WWOX: variants seen among roughly 807,000 people sequenced by gnomAD.
WWOX encodes the protein WW domain-containing oxidoreductase.
A neutral mutation model predicts 46.2 loss-of-function variants in WWOX; 69 were observed. The observed-to-expected ratio is 1.49, with a 90% CI of 1.23 to 1.82. The LOEUF (loss-of-function observed/expected upper bound fraction) is 1.82. Ranked by LOEUF, WWOX falls within the 40% of genes most tolerant of loss-of-function variation. WWOX has a pLI of 0.00. For missense variants in WWOX, 919 were observed against 542.6 expected (o/e 1.69, Z -6.89); for synonymous variants, 359 against 202.6 (o/e 1.77, Z -6.56).
chr16:78,783,852 A>G (rs2050389644), intron 8 of WWOX, among the ~76,000 whole-genome samples: 1 of 149,662 alleles, frequency 6.7e-6, no homozygotes, highest in Non-Finnish European at 1.5e-5. Flanking sequence ...GATGATGGTG[A>G]TATGACGCTG....
chr16:79,166,284 C>T (rs985980298), intron 8 of WWOX, among the ~76,000 whole-genome samples: 3 of 152,204 alleles, frequency 2.0e-5, no homozygotes, highest in African/African-American at 7.2e-5. Flanking sequence ...CTGGGTGTTT[C>T]AGCCAGGGCT....
At chr16:79,093,016 C>G (rs767442294) in intron 8 of WWOX, among the ~76,000 whole-genome samples, 1 of 152,142 alleles carries the variant, frequency 6.6e-6, no homozygotes, top group Non-Finnish European at 1.5e-5. Flanking sequence ...ATAGCAAAAA[C>G]CGCAATTACT....
Position 78,915,534 on chromosome 16 carries a change from T to C in WWOX, c.1057-296074T>C, listed in dbSNP as rs141863075. ...GCATGCAGATCAATGAGCCAAATGT[T>C]AGCAGGGGACTGGGCATTTGAAGAT... On this transcript the variant is annotated intron_variant, in intron 8 of 8. Transcript: ENST00000566780. 2.0e-5 allele frequency among the ~76,000 whole-genome samples: 3 copies of C among 152,310 alleles called. No homozygotes were observed. The East Asian group carries it at 5.8e-4, about 29-fold the overall frequency.
intron 6 of WWOX, among the ~76,000 whole-genome samples, chr16:78,419,453 A>G (rs1324069286): frequency 6.6e-6 from 1 of 152,074 alleles, no homozygotes; most frequent in Non-Finnish European, 1.5e-5. Flanking sequence ...AGATAATAAA[A>G]TAGACTTGAG....
intron 8 of WWOX, among the ~76,000 whole-genome samples, chr16:79,083,546 C>A (rs1026871910): frequency 2.0e-5 from 3 of 152,190 alleles, no homozygotes; most frequent in Non-Finnish European, 4.4e-5. Context: ...AAACCTCACA[C>A]CAGTGTTGTT....
At chr16:79,140,056 G>A (rs1273819045) in intron 8 of WWOX, among the ~76,000 whole-genome samples, 1 of 152,134 alleles carries the variant, frequency 6.6e-6, no homozygotes, top group African/African-American at 2.4e-5. Flanking sequence ...AGCATTTTTG[G>A]ATTTTTCCTA....
intron 8 of WWOX, among the ~76,000 whole-genome samples, chr16:78,542,318 T>C (rs1383021266): frequency 6.6e-6 from 1 of 152,146 alleles, no homozygotes; most frequent in Non-Finnish European, 1.5e-5. Flanking sequence ...TGACATGATG[T>C]ACCCTGTGTT....
At chr16:78,744,998 C>G (rs1165900139) in intron 8 of WWOX, among the ~76,000 whole-genome samples, 3 of 152,200 alleles carry the variant, frequency 2.0e-5, no homozygotes, top group Non-Finnish European at 2.9e-5. Context: ...CTTCCCCAGT[C>G]CCTGCTTCCC....
chr16:79,027,535 C>T (rs2047670648), intron 8 of WWOX, among the ~76,000 whole-genome samples: 1 of 151,688 alleles, frequency 6.6e-6, no homozygotes, highest in Non-Finnish European at 1.5e-5. Flanking sequence ...GTCCAATTCC[C>T]CGTTCTGGAG....
At chr16:78,481,762 T>C (rs185106461) in intron 8 of WWOX, among the ~76,000 whole-genome samples, 2,376 of 147,252 alleles carry the variant, frequency 0.016, 43 homozygotes, top group African/African-American at 0.051. Flanking sequence ...TGTGTGTGTG[T>C]GTGCGCGCGC....
At chr16:78,818,523 G>A (rs962893158) in intron 8 of WWOX, among the ~76,000 whole-genome samples, 34 of 152,198 alleles carry the variant, frequency 2.2e-4, no homozygotes, top group African/African-American at 7.7e-4. Flanking sequence ...TTGAAGCCAG[G>A]AGTTTGAGAT....
rs555872240 is a variant in WWOX, at chr16:78,383,131, C to T, written c.517-3729C>T. On this transcript the variant is annotated intron_variant, in intron 5 of 8. Coordinates refer to ENST00000566780, the MANE Select transcript of WWOX (RefSeq NM_016373.4). ...TTTAACCAGCCCCATGATCCAATCACCTCCCACCAGGCCCCACCTCCAGTA... is the reference window on the plus strand; with the variant it reads ...TTTAACCAGCCCCATGATCCAATCATCTCCCACCAGGCCCCACCTCCAGTA... 2.6e-5 allele frequency among the ~76,000 whole-genome samples: 4 copies of T among 151,392 alleles called. No homozygotes were observed. In the South Asian group the frequency reaches 6.3e-4, roughly 24 times the overall value.
chr16:78,730,260 C>A (rs755777080), intron 8 of WWOX, among the ~76,000 whole-genome samples: 2 of 152,026 alleles, frequency 1.3e-5, no homozygotes, highest in Non-Finnish European at 2.9e-5. Context: ...GACGTTAGTA[C>A]CTCAATTTTA....
chr16:79,124,727 T>G (rs1466216180), intron 8 of WWOX, among the ~76,000 whole-genome samples: 2 of 152,298 alleles, frequency 1.3e-5, no homozygotes, highest in East Asian at 3.9e-4. Flanking sequence ...TGTGAAACAT[T>G]TGTGTCTTAA....
At chr16:78,177,996 G>C (rs896506608) in intron 5 of WWOX, among the ~76,000 whole-genome samples, 1 of 152,194 alleles carries the variant, frequency 6.6e-6, no homozygotes, top group Non-Finnish European at 1.5e-5. Context: ...AATTATAAGA[G>C]AAAGCATTCC....
At chr16:79,080,860 C>A (rs2048747911) in intron 8 of WWOX, among the ~76,000 whole-genome samples, 1 of 152,116 alleles carries the variant, frequency 6.6e-6, no homozygotes, top group Non-Finnish European at 1.5e-5. Context: ...AGAGCAAAGG[C>A]ATTTTGTATA....
intron 8 of WWOX, among the ~76,000 whole-genome samples, chr16:79,127,220 TTA>T (rs2049777667): frequency 6.6e-6 from 1 of 152,114 alleles, no homozygotes; most frequent in African/African-American, 2.4e-5. Context: ...ATGTTTTTCT[TTA>T]TGTGTGTTAA....
At chr16:78,442,865 G>A (rs1396029590) in intron 8 of WWOX, among the ~76,000 whole-genome samples, 8 of 152,070 alleles carry the variant, frequency 5.3e-5, no homozygotes, top group Non-Finnish European at 2.9e-5. Context: ...GCTCATGCCT[G>A]TAATCCCAGC....
chr16:78,894,770 T>C (rs1356118332), intron 8 of WWOX, among the ~76,000 whole-genome samples: 2 of 152,106 alleles, frequency 1.3e-5, no homozygotes, highest in South Asian at 2.1e-4. Flanking sequence ...AATCATGCCT[T>C]GAAGATGTTT....
Sources: allele counts gnomAD v4.1 joint callset (sites outside exome capture counted in the v4.1 genomes callset), GRCh38; gene constraint gnomAD v4.1.1; transcripts MANE v1.5; gene names NCBI Gene and HGNC (gene_info 2026-07-23, HGNC 2026-07-21).